GALNT8: variants seen among roughly 807,000 people sequenced by gnomAD.
The protein encoded by GALNT8 is probable polypeptide N-acetylgalactosaminyltransferase 8.
A neutral mutation model predicts 62.7 loss-of-function variants in GALNT8; 66 were observed. The ratio of observed to expected loss-of-function variants is 1.05; its 90% confidence interval spans 0.86 to 1.29. The LOEUF is 1.29. Among genes scored for constraint, GALNT8 ranks in the 50% most tolerant of loss-of-function variants. The probability of loss-of-function intolerance (pLI) is 0.00; values close to 1 mark genes in which losing one functional copy is unlikely to be tolerated. For missense variants in GALNT8, 771 were observed against 791.8 expected (o/e 0.97, Z 0.32); for synonymous variants, 288 against 294.3 (o/e 0.98, Z 0.22).
chr12:4,729,105 G>C (rs1443645439), intron 2 of GALNT8, among the ~76,000 whole-genome samples: 1 of 151,086 alleles, frequency 6.6e-6, no homozygotes, highest in Non-Finnish European at 1.5e-5. Context: ...CTAGGTATTT[G>C]TCTTTTTGAT....
chr12:4,730,571 G>A lies in GALNT8; in HGVS notation c.509+3742G>A, dbSNP rs1381765110. On this transcript the variant is annotated intron_variant, in intron 2 of 10. Coordinates refer to ENST00000252318, the MANE Select transcript of GALNT8 (RefSeq NM_017417.2). ...TCTATATTCTGTTCCACTACTCTAT[G>A]TCTGTTTTTATGGCAGTATCATGCT... Among the ~76,000 whole-genome samples, 6 of 152,086 alleles carry A rather than the reference G, an allele frequency of 3.9e-5. No individual in the cohort carries two copies. In the East Asian group the frequency reaches 9.6e-4, roughly 24 times the overall value.
intron 6 of GALNT8, among the ~76,000 whole-genome samples, chr12:4,747,906 G>A (rs1946307132): frequency 6.6e-6 from 1 of 152,036 alleles, no homozygotes; most frequent in Non-Finnish European, 1.5e-5. Context: ...TTGGATATAA[G>A]CCATTTTAAC....
chr12:4,764,323 A>G (rs1427364196), intron 9 of GALNT8, among the ~76,000 whole-genome samples: 1 of 152,140 alleles, frequency 6.6e-6, no homozygotes, highest in Non-Finnish European at 1.5e-5. Context: ...TGCATTGACA[A>G]TCACCTCTGG....
At chr12:4,743,346 G>A (rs17176851) in intron 3 of GALNT8, among the ~76,000 whole-genome samples, 6,138 of 152,314 alleles carry the variant, frequency 0.04, 240 homozygotes, top group East Asian at 0.19. Context: ...GAAGCAAACA[G>A]CCTTAGACGT....
chr12:4,761,144 G>A lies in GALNT8; in HGVS notation c.1359+1G>A, dbSNP rs1482683676. 1 of 1,612,496 alleles carries A rather than the reference G, an allele frequency of 6.2e-7. No individual in the cohort carries two copies. On this transcript the variant is annotated splice_donor_variant, in intron 7 of 10. Coordinates refer to ENST00000252318, the MANE Select transcript of GALNT8 (RefSeq NM_017417.2). LOFTEE classifies it high-confidence loss of function. ...CTTGGCCTGGAACATACCTCTCCAGGTGAGTCATGGAATTGAACAGCAGCA... is the reference window on the plus strand; with the variant it reads ...CTTGGCCTGGAACATACCTCTCCAGATGAGTCATGGAATTGAACAGCAGCA...
intron 3 of GALNT8, among the ~76,000 whole-genome samples, chr12:4,741,542 T>C (rs533632085): frequency 6.6e-6 from 1 of 151,730 alleles, no homozygotes; most frequent in Admixed American, 6.6e-5. Context: ...AAGACAAGAG[T>C]TGAGCTGGAA....
At chr12:4,745,307 A>G in intron 4 of GALNT8, 122 bp from the exon 5 acceptor site, 1 of 689,252 alleles carries the variant, frequency 1.5e-6, no homozygotes, top group Admixed American at 2.0e-5. Context: ...CTCACAACCC[A>G]GTACAGCCTA....
At chr12:4,753,924 C>T (rs917342673) in intron 6 of GALNT8, among the ~76,000 whole-genome samples, 11 of 152,214 alleles carry the variant, frequency 7.2e-5, no homozygotes, top group Admixed American at 5.9e-4. Flanking sequence ...TGCTGTGGTT[C>T]TTCCAGACTC....
rs1048296326 is a variant in GALNT8, at chr12:4,749,874, T to C, written c.1173+3616T>C. ...TGTTCTGTTCAGGTTTGGGATATTT[T>C]TCCTGGTTCAATCTTGAACCAAGTT... is the stretch of plus-strand genomic sequence containing the variant. On this transcript the variant is annotated intron_variant, in intron 6 of 10. Coordinates refer to ENST00000252318, the MANE Select transcript of GALNT8 (RefSeq NM_017417.2). The surrounding 1 kb of genome is among the most constrained non-coding windows in gnomAD (Gnocchi z 4.1). Among the ~76,000 whole-genome samples the C allele has an allele frequency of 2.0e-5, 3 of 152,154 alleles. No individual in the cohort carries two copies. In the East Asian group the frequency reaches 5.8e-4, roughly 29 times the overall value.
chr12:4,772,664 C>T lies in GALNT8; in HGVS notation c.*67C>T, dbSNP rs956549711. 13 of 1,221,232 alleles carry T rather than the reference C, an allele frequency of 1.1e-5. No homozygotes were observed. In the African/African-American group the frequency reaches 1.9e-4, roughly 18 times the overall value. The allele number at this position is 1,221,232 out of a possible 1,614,324, so 75.6% of individuals were successfully genotyped here. A position where few individuals can be genotyped will look rare whatever the true frequency, so the allele number is the denominator to read the frequency against. ...TGGAATGGCTTCTACTCCTAACACT[C>T]CCAGCTTCTTTCTCAATGAGAAAGA... On this transcript the variant is annotated 3_prime_UTR_variant, in exon 11 of 11. Coordinates refer to ENST00000252318, the MANE Select transcript of GALNT8 (RefSeq NM_017417.2).
chr12:4,739,857 C>T (rs532368085), intron 3 of GALNT8, among the ~76,000 whole-genome samples: 4 of 151,896 alleles, frequency 2.6e-5, no homozygotes, highest in South Asian at 2.1e-4. Flanking sequence ...TTAGTAGAGA[C>T]GAGATTTCAC....
chr12:4,765,567 TGTTG>T (rs758221810), intron 10 of GALNT8, 21 bp downstream of exon 10: 4 of 1,581,232 alleles, frequency 2.5e-6, no homozygotes, highest in South Asian at 2.3e-5. Context: ...TGTTTTTGTT[TGTTG>T]GTTTGTTTGT....
chr12:4,743,076 G>T (rs1389695759), intron 3 of GALNT8, among the ~76,000 whole-genome samples: 1 of 152,154 alleles, frequency 6.6e-6, no homozygotes, highest in Non-Finnish European at 1.5e-5. Context: ...GGCCTCAATC[G>T]CCTGGGCTTA....
chr12:4,724,667 GC>G (rs1305980783), intron 1 of GALNT8, among the ~76,000 whole-genome samples: 1 of 152,200 alleles, frequency 6.6e-6, no homozygotes, highest in Non-Finnish European at 1.5e-5. Flanking sequence ...GAACAAGTAT[GC>G]ATGGTGTTCA....
intron 9 of GALNT8, among the ~76,000 whole-genome samples, chr12:4,764,975 G>C (rs1478345310): frequency 6.6e-6 from 1 of 151,952 alleles, no homozygotes; most frequent in Non-Finnish European, 1.5e-5. Context: ...TGAAAAAATG[G>C]AGACACATTA....
chr12:4,751,039 A>G (rs1018610994), intron 6 of GALNT8, among the ~76,000 whole-genome samples: 2 of 152,188 alleles, frequency 1.3e-5, no homozygotes, highest in African/African-American at 4.8e-5. Context: ...AGGATTCCCT[A>G]TTCAATAAAT....
In GALNT8 at chr12:4,760,812, G is replaced by C. The variant is rs531035776; in HGVS notation, c.1174-146G>C. On this transcript the variant is annotated intron_variant, in intron 6 of 10. Transcript: ENST00000252318. ...AAGGAAAGATGATTTAGATAAGAAA[G>C]TTAGAGGAGGCAATATAAAGGCAGG... The C allele has an allele frequency of 2.0e-4, 131 of 642,780 alleles. No individual in the cohort carries two copies. The African/African-American group carries it at 2.1e-3, about 10-fold the overall frequency. The allele number at this position is 642,780 out of a possible 1,614,324, so 39.8% of individuals were successfully genotyped here. A position where few individuals can be genotyped will look rare whatever the true frequency, so the allele number is the denominator to read the frequency against.
chr12:4,741,993 C>A (rs1946274483), intron 3 of GALNT8, among the ~76,000 whole-genome samples: 1 of 152,178 alleles, frequency 6.6e-6, no homozygotes, highest in African/African-American at 2.4e-5. Flanking sequence ...AAGTCTCTAC[C>A]ATGTCTACTG....
In GALNT8 at chr12:4,739,243, T is replaced by C. The variant is rs148594027; in HGVS notation, c.590T>C (p.Ile197Thr). 8.1e-6 allele frequency: 13 copies of C among 1,613,114 alleles called. No homozygotes were observed. The African/African-American group carries it at 1.2e-4, about 15-fold the overall frequency. The change falls in exon 3 of 11, where the codon ATA becomes ACA. Residue 197 changes from isoleucine to threonine, a missense_variant. Coordinates refer to ENST00000252318, the MANE Select transcript of GALNT8 (RefSeq NM_017417.2). ...LIFVNEALSI[I>T]QRAITSIINR... is the part of the protein sequence containing the mutation. Reference sequence around the variant, plus strand: ...TTCGTGAATGAAGCTCTGTCCATTATACAACGGGCCATCACCAGTATCATC... The same window carrying C: ...TTCGTGAATGAAGCTCTGTCCATTACACAACGGGCCATCACCAGTATCATC...
Sources: gnomAD v4.1 joint callset for allele counts (sites outside exome capture counted in the v4.1 genomes callset) on GRCh38, gnomAD v4.1.1 for gene constraint, Gnocchi (gnomAD v3.1) non-coding constraint, MANE v1.5 for transcripts, NCBI Gene and HGNC (gene_info 2026-07-23, HGNC 2026-07-21) for gene names.